The following ARHGAP25 variants were observed in gnomAD, a reference collection of about 807,000 sequenced individuals.
ARHGAP25 encodes the protein Rho GTPase activating protein 25.
ARHGAP25 carries 34 observed loss-of-function variants against 71.0 expected under a neutral mutation model. The observed-to-expected ratio is 0.48, with a 90% CI of 0.36 to 0.64. The LOEUF (loss-of-function observed/expected upper bound fraction) is 0.64. Ranked by LOEUF, ARHGAP25 falls within the 30% of genes least tolerant of loss-of-function variation. The pLI, the probability that ARHGAP25 is intolerant of heterozygous loss-of-function variation, is 0.00. For missense variants in ARHGAP25, 706 were observed against 805.1 expected (o/e 0.88, Z 1.49); for synonymous variants, 282 against 296.5 (o/e 0.95, Z 0.50).
chr2:68,802,105 C>T (rs991036189), intron 4 of ARHGAP25, among the ~76,000 whole-genome samples: 1 of 152,102 alleles, frequency 6.6e-6, no homozygotes, highest in African/African-American at 2.4e-5. Flanking sequence ...TTGTTTAAAG[C>T]ATATTTGGAA....
intron 1 of ARHGAP25, among the ~76,000 whole-genome samples, chr2:68,748,446 A>C (rs1675965453): frequency 6.6e-6 from 1 of 152,070 alleles, no homozygotes; most frequent in Non-Finnish European, 1.5e-5. Context: ...ATTCCTTTGC[A>C]TGTTTGCACT....
intron 1 of ARHGAP25, among the ~76,000 whole-genome samples, chr2:68,747,740 A>G (rs1461064634): frequency 6.6e-6 from 1 of 152,076 alleles, no homozygotes; most frequent in African/African-American, 2.4e-5. Flanking sequence ...AAAAGGCTCT[A>G]CTATTCACCG....
chr2:68,764,750 A>G (rs77275823), intron 1 of ARHGAP25, among the ~76,000 whole-genome samples: 3,801 of 152,208 alleles, frequency 0.025, 162 homozygotes, highest in African/African-American at 0.086. Flanking sequence ...TTGTTAGTGC[A>G]GGATTTTCTT....
At chr2:68,750,468 A>T (rs1676096724) in intron 1 of ARHGAP25, among the ~76,000 whole-genome samples, 1 of 151,632 alleles carries the variant, frequency 6.6e-6, no homozygotes, top group African/African-American at 2.4e-5. Flanking sequence ...GACTACAGGC[A>T]CCTGTCACCA....
At chr2:68,784,804 A>C (rs1328583402) in intron 3 of ARHGAP25, among the ~76,000 whole-genome samples, 1 of 152,246 alleles carries the variant, frequency 6.6e-6, no homozygotes. Flanking sequence ...ACTAGCAGCA[A>C]ACCAAATATA....
intron 2 of ARHGAP25, among the ~76,000 whole-genome samples, chr2:68,729,468 C>T (rs1247266048): frequency 1.3e-5 from 2 of 152,174 alleles, no homozygotes; most frequent in Non-Finnish European, 2.9e-5. Flanking sequence ...GAAACTCCCC[C>T]TGCACTGATT....
At chr2:68,738,280 GT>G (rs1675321008) in intron 1 of ARHGAP25, among the ~76,000 whole-genome samples, 1 of 152,152 alleles carries the variant, frequency 6.6e-6, no homozygotes. Context: ...CCAGCCCCAG[GT>G]TACAGGGCTT....
At position 68,768,390 on chromosome 2, in the gene ARHGAP25, G is replaced by A. The variant is rs148010104; in HGVS notation, c.62-6831G>A. Reference sequence around the variant, plus strand: ...ATAGGTAAATTGGCCAATATTTCTCGCAAATACAAAATGCCTGCATGGTGG... The same window carrying A: ...ATAGGTAAATTGGCCAATATTTCTCACAAATACAAAATGCCTGCATGGTGG... On this transcript the variant is annotated intron_variant, in intron 1 of 10. Coordinates refer to ENST00000409202, the MANE Select transcript of ARHGAP25 (RefSeq NM_001007231.3). 1.1e-3 allele frequency among the ~76,000 whole-genome samples: 167 copies of A among 152,244 alleles called. 2 individuals are homozygous for A. The highest frequency in any genetic ancestry group is 2.1e-3 in the Non-Finnish European group (143 of 68,002).
At chr2:68,784,208 A>ACACACC (rs1678574109) in intron 3 of ARHGAP25, among the ~76,000 whole-genome samples, 1 of 151,754 alleles carries the variant, frequency 6.6e-6, no homozygotes, top group South Asian at 2.1e-4. Context: ...ACACACACAC[A>ACACACC]CCACATCTCA....
chr2:68,817,770 G>A, intron 7 of ARHGAP25, 103 bp from the exon 8 acceptor site: 1 of 1,409,888 alleles, frequency 7.1e-7, no homozygotes, highest in Non-Finnish European at 9.8e-7. Flanking sequence ...CTGAGTCTGG[G>A]AGGAAAGCAT....
intron 1 of ARHGAP25, among the ~76,000 whole-genome samples, chr2:68,738,507 ATATGC>A (rs1454009464): frequency 6.6e-6 from 1 of 152,114 alleles, no homozygotes; most frequent in Non-Finnish European, 1.5e-5. Flanking sequence ...CAAACTTACT[ATATGC>A]TAACCAGACC....
intron 2 of ARHGAP25, among the ~76,000 whole-genome samples, chr2:68,781,294 A>G (rs1372373499): frequency 3.3e-5 from 5 of 152,168 alleles, no homozygotes; most frequent in Non-Finnish European, 5.9e-5. Flanking sequence ...AGAGGCTGAG[A>G]CAGGAGAATA....
intron 1 of ARHGAP25, among the ~76,000 whole-genome samples, chr2:68,758,162 A>G (rs1286045972): frequency 2.6e-5 from 4 of 152,058 alleles, no homozygotes; most frequent in East Asian, 1.9e-4. Context: ...AAAAAAATCA[A>G]CTAACACAAA....
At chr2:68,731,254 C>T (rs568399883), upstream of ARHGAP25, among the ~76,000 whole-genome samples, 5 of 152,222 alleles carry the variant, frequency 3.3e-5, no homozygotes, top group South Asian at 8.3e-4. Context: ...CCAATCCTCA[C>T]TGTTTTTGTG....
chr2:68,735,198 A>G lies in ARHGAP25; in HGVS notation c.-2A>G. On this transcript the variant is annotated 5_prime_UTR_variant, in exon 1 of 11. Transcript: ENST00000409202. ...TAACTACTCACTTAAACTGGAAGCA[A>G]AATGTCCCTAAAATTGCCAAGGAAC... The G allele has an allele frequency of 6.2e-7, 1 of 1,614,006 alleles. No individual in the cohort carries two copies.
chr2:68,775,466 G>A (rs760310809), intron 2 of ARHGAP25, 46 bp downstream of exon 2: 2 of 1,611,874 alleles, frequency 1.2e-6, no homozygotes, highest in East Asian at 2.2e-5. Flanking sequence ...CGGAGGAGGC[G>A]GGCCTGGAGC....
In ARHGAP25 at chr2:68,735,127, T is replaced by C. The variant is rs34504087; in HGVS notation, c.-73T>C. The C allele has an allele frequency of 0.068, 85,372 of 1,262,070 alleles. 3,187 individuals carry two copies. Among genetic ancestry groups the C allele is most frequent in the Admixed American group, 0.11 (6,721 of 59,318 alleles). 78.2% of individuals were successfully genotyped at this position (1,262,070 alleles called of 1,614,324 possible). ...CAGACACAAAAACAGAGGGAAAGAGTGAAAAGACAAGAAGGGCGCAAACTG... is the reference window on the plus strand; with the variant it reads ...CAGACACAAAAACAGAGGGAAAGAGCGAAAAGACAAGAAGGGCGCAAACTG... On this transcript the variant is annotated 5_prime_UTR_variant, in exon 1 of 11. It removes the in-frame stop codon of an upstream open reading frame in the 5' UTR. Transcript: ENST00000409202.
chr2:68,783,262 T>C (rs1227283612), intron 3 of ARHGAP25, among the ~76,000 whole-genome samples: 1 of 152,186 alleles, frequency 6.6e-6, no homozygotes, highest in Non-Finnish European at 1.5e-5. Context: ...ATGATAATAG[T>C]AAAGATTTAA....
chr2:68,826,152 G>C lies in ARHGAP25; in HGVS notation c.1899G>C (p.Lys633Asn). The change falls in exon 11 of 11, where the codon AAG becomes AAC. Residue 633 changes from lysine (K) to asparagine (N), a missense_variant. Transcript: ENST00000409202. The part of the protein sequence containing the change: ...KRNKALEEEV[K>N]EFVKSMKEPK... ...ACAAGGCCTTGGAAGAAGAAGTCAA[G>C]GAATTTGTCAAATCCATGAAGGAAC... The C allele has an allele frequency of 1.2e-6, 2 of 1,614,134 alleles. No individual in the cohort carries two copies. The highest frequency in any genetic ancestry group is 1.7e-6 in the Non-Finnish European group (2 of 1,180,014).
Sources: gnomAD v4.1 joint callset for allele counts (sites outside exome capture counted in the v4.1 genomes callset) on GRCh38, gnomAD v4.1.1 for gene constraint, MANE v1.5 for transcripts, NCBI Gene and HGNC (gene_info 2026-07-23, HGNC 2026-07-21) for gene names.